The following SCN2A variants were observed in gnomAD, a reference collection of about 807,000 sequenced individuals.
The protein encoded by SCN2A is sodium voltage-gated channel alpha subunit 2.
SCN2A carries 20 observed loss-of-function variants against 188.7 expected under a neutral mutation model. That is an observed-to-expected ratio of 0.11 (90% CI 0.07 to 0.15). SCN2A has a LOEUF of 0.15. Among genes scored for constraint, SCN2A ranks in the 10% least tolerant of loss-of-function variants. The pLI is 1.00. For synonymous variants in SCN2A, 804 were observed against 833.1 expected (o/e 0.97, Z 0.60); for missense variants, 1,278 against 2,445.0 (o/e 0.52, Z 10.07).
chr2:165,384,807 G>T (rs1701784950), intron 25 of SCN2A, among the ~76,000 whole-genome samples: 1 of 152,150 alleles, frequency 6.6e-6, no homozygotes, highest in Non-Finnish European at 1.5e-5. Flanking sequence ...CAGAGAAGGA[G>T]TGGGGGACAT....
chr2:165,316,122 C>T (rs1697734045), intron 11 of SCN2A, among the ~76,000 whole-genome samples: 1 of 152,112 alleles, frequency 6.6e-6, no homozygotes, highest in Non-Finnish European at 1.5e-5. Flanking sequence ...GACAAATTCC[C>T]AGAAGTGGAC....
chr2:165,345,034 A>G (rs1699498231), intron 16 of SCN2A, 123 bp downstream of exon 16: 1 of 1,228,726 alleles, frequency 8.1e-7, no homozygotes, highest in East Asian at 2.5e-5. Flanking sequence ...TCTATTACTC[A>G]TGACTGTAAG....
At chr2:165,279,219 A>T (rs553001687) in intron 1 of SCN2A, among the ~76,000 whole-genome samples, 2 of 152,282 alleles carry the variant, frequency 1.3e-5, no homozygotes, top group Admixed American at 1.3e-4. Flanking sequence ...CTGAAGGGGG[A>T]GTTAGCTTCC....
At chr2:165,300,999 C>G (rs1391027044) in intron 3 of SCN2A, among the ~76,000 whole-genome samples, 3 of 152,086 alleles carry the variant, frequency 2.0e-5, no homozygotes, top group Non-Finnish European at 4.4e-5. Context: ...GGTAAAATGT[C>G]ATCAAATTTT....
chr2:165,291,408 C>T (rs1481471993), intron 1 of SCN2A, among the ~76,000 whole-genome samples: 76 of 142,960 alleles, frequency 5.3e-4, no homozygotes, highest in African/African-American at 8.7e-4. Context: ...TCCTTCCTTC[C>T]TTCCTTCCTC....
At chr2:165,291,331 A>G (rs1312811936) in intron 1 of SCN2A, among the ~76,000 whole-genome samples, 1 of 150,638 alleles carries the variant, frequency 6.6e-6, no homozygotes, top group Non-Finnish European at 1.5e-5. Flanking sequence ...GGCATGAGCC[A>G]CCGGGACTTG....
Position 165,315,469 on chromosome 2 carries a change from A to G in SCN2A, c.1384-2A>G, listed in dbSNP as rs1574571769. The stretch of plus-strand genomic sequence containing the variant: ...ACTTCCACATACTTTGCGCCCTTCT[A>G]GGCGGCAGCTGCAGCCGCATCTGCT... On this transcript the variant is annotated splice_acceptor_variant, in intron 10 of 26. Transcript: ENST00000375437. LOFTEE classifies it high-confidence loss of function. The G allele has an allele frequency of 6.2e-7, 1 of 1,613,806 alleles. No homozygotes were observed.
At chr2:165,279,394 A>G (rs1323050067) in intron 1 of SCN2A, among the ~76,000 whole-genome samples, 1 of 152,066 alleles carries the variant, frequency 6.6e-6, no homozygotes, top group Non-Finnish European at 1.5e-5. Context: ...GGGAACAGAA[A>G]ATAATTAATC....
At chr2:165,240,951 A>T (rs1299406029) in intron 1 of SCN2A, 1 of 152,156 alleles carries the variant, frequency 6.6e-6, no homozygotes, top group Non-Finnish European at 1.5e-5. Context: ...CCCCATTATC[A>T]TTTAAAGAAA....
intron 16 of SCN2A, among the ~76,000 whole-genome samples, chr2:165,349,921 C>T (rs1421744652): frequency 6.6e-6 from 1 of 152,182 alleles, no homozygotes; most frequent in Non-Finnish European, 1.5e-5. Context: ...GACAAAATGG[C>T]ATAACTTCCT....
chr2:165,328,486 C>T (rs1698486506), intron 13 of SCN2A: 4 of 985,676 alleles, frequency 4.1e-6, no homozygotes, highest in Non-Finnish European at 4.8e-6. Flanking sequence ...GTTCTGCTAC[C>T]GATGTCAGCA....
chr2:165,266,267 A>G (rs1199413237), intron 1 of SCN2A: 2 of 152,046 alleles, frequency 1.3e-5, no homozygotes, highest in Admixed American at 6.6e-5. Context: ...CACTCCCTCC[A>G]TCATTTAATT....
intron 21 of SCN2A, 128 bp downstream of exon 21, chr2:165,373,475 C>A: frequency 1.9e-6 from 2 of 1,052,332 alleles, no homozygotes; most frequent in Non-Finnish European, 2.8e-6. Context: ...GCTAATCAAT[C>A]AAAAATAATA....
rs143394063 is a variant in SCN2A at position 165,267,946 on chromosome 2, G to A, written c.-51-27827G>A. The A allele has an allele frequency of 1.8e-4, 28 of 152,012 alleles. No individual in the cohort carries two copies. In the East Asian group the frequency reaches 3.9e-3, roughly 21 times the overall value. 9.4% of individuals were successfully genotyped at this position (152,012 alleles called of 1,614,324 possible). ...AATGGCTACTATCAAAAGAACAAAAGATAAGCGTTGGTAAGGATGTGGAGA... is the reference window on the plus strand; with the variant it reads ...AATGGCTACTATCAAAAGAACAAAAAATAAGCGTTGGTAAGGATGTGGAGA... On this transcript the variant is annotated intron_variant, in intron 1 of 26. Transcript: ENST00000375437.
chr2:165,364,894 A>G (rs1230730758), intron 17 of SCN2A, among the ~76,000 whole-genome samples: 1 of 152,164 alleles, frequency 6.6e-6, no homozygotes, highest in Non-Finnish European at 1.5e-5. Context: ...CAGAATCTCT[A>G]TACATAGGCT....
chr2:165,299,550 A>C (rs55913331), intron 3 of SCN2A, among the ~76,000 whole-genome samples: 3,042 of 152,340 alleles, frequency 0.02, 83 homozygotes, highest in African/African-American at 0.063. Context: ...AGATATAACA[A>C]AAGGCAGTGA....
At chr2:165,292,173 C>A (rs970937816) in intron 1 of SCN2A, among the ~76,000 whole-genome samples, 2 of 152,176 alleles carry the variant, frequency 1.3e-5, no homozygotes, top group African/African-American at 4.8e-5. Context: ...AACCATGAAC[C>A]AATAAACTCC....
chr2:165,378,111 G>A (rs1465129982), intron 23 of SCN2A, among the ~76,000 whole-genome samples: 4 of 151,402 alleles, frequency 2.6e-5, no homozygotes, highest in South Asian at 4.2e-4. Flanking sequence ...AGTGGTAGAA[G>A]GGAGGGACTT....
chr2:165,389,188 C>T lies in SCN2A; in HGVS notation c.5382C>T (p.Asp1794=). 6.2e-7 allele frequency: 1 copy of T among 1,614,008 alleles called. No individual in the cohort carries two copies. The highest frequency in any genetic ancestry group is 8.5e-7 in the Non-Finnish European group (1 of 1,179,998). Residue 1794 remains aspartate (D), a synonymous_variant, in exon 27 of 27, where the codon GAC becomes GAT. Coordinates refer to ENST00000375437, the MANE Select transcript of SCN2A (RefSeq NM_001040142.2). The surrounding 1 kb of genome is among the most constrained non-coding windows in gnomAD (Gnocchi z 4.2). ...EESAEPLSED[D]FEMFYEVWEK... ...GTGCAGAGCCTCTGAGTGAGGATGA[C>T]TTTGAGATGTTCTATGAGGTTTGGG...
Sources: allele counts gnomAD v4.1 joint callset (sites outside exome capture counted in the v4.1 genomes callset), GRCh38; gene constraint gnomAD v4.1.1; non-coding constraint Gnocchi (gnomAD v3.1); transcripts MANE v1.5; gene names NCBI Gene and HGNC (gene_info 2026-07-23, HGNC 2026-07-21).